The following EYS variants were observed in gnomAD, a reference collection of about 807,000 sequenced individuals.
The protein encoded by EYS is EGF-like photoreceptor maintenance factor, also known as protein eyes shut homolog.
In EYS, 250 loss-of-function variants were observed where a neutral mutation model predicts 282.1. The ratio of observed to expected loss-of-function variants is 0.89; its 90% confidence interval spans 0.80 to 0.98. The LOEUF is 0.98. EYS is among the 50% of genes least tolerant of loss of function. The pLI, the probability that EYS is intolerant of heterozygous loss-of-function variation, is 0.00. For missense variants in EYS, 4,016 were observed against 3,709.0 expected (o/e 1.08, Z -2.15); for synonymous variants, 1,355 against 1,282.9 (o/e 1.06, Z -1.20).
chr6:65,390,045 A>T (rs1464143285), intron 7 of EYS, among the ~76,000 whole-genome samples: 1 of 151,964 alleles, frequency 6.6e-6, no homozygotes, highest in Admixed American at 6.6e-5. Flanking sequence ...AGTGAACTTG[A>T]AATACAGGAA....
In EYS at chr6:65,392,690, G is replaced by A. The variant is rs560797470; in HGVS notation, c.1185-8190C>T. On this transcript the variant is annotated intron_variant, in intron 7 of 42. Transcript: ENST00000503581. ...GGAAACAACAGGTAATGGAGAGGATGTGGAGAAATAGGAACACTTTTACAC... is the reference window on the plus strand; with the variant it reads ...GGAAACAACAGGTAATGGAGAGGATATGGAGAAATAGGAACACTTTTACAC... Among the ~76,000 whole-genome samples, 497 of 152,176 alleles carry A rather than the reference G, an allele frequency of 3.3e-3. 4 individuals carry two copies. The highest frequency in any genetic ancestry group is 0.011 in the African/African-American group (442 of 41,544).
intron 2 of EYS, among the ~76,000 whole-genome samples, chr6:65,619,943 G>A (rs914659850): frequency 1.3e-5 from 2 of 151,340 alleles, no homozygotes; most frequent in Admixed American, 1.3e-4. Context: ...ATGTGCTGCT[G>A]GATTCGGTTT....
intron 33 of EYS, among the ~76,000 whole-genome samples, chr6:64,007,181 A>G (rs928426457): frequency 6.6e-6 from 1 of 152,210 alleles, no homozygotes; most frequent in East Asian, 1.9e-4. Flanking sequence ...GAAACACATT[A>G]TTGGTCTGTT....
At chr6:64,353,186 A>T (rs963279093) in intron 29 of EYS, among the ~76,000 whole-genome samples, 15 of 151,586 alleles carry the variant, frequency 9.9e-5, no homozygotes, top group African/African-American at 3.1e-4. Context: ...TTTAAAAATC[A>T]ATGCTATATA....
At chr6:65,453,225 A>C (rs1313413628) in intron 5 of EYS, among the ~76,000 whole-genome samples, 1 of 151,964 alleles carries the variant, frequency 6.6e-6, no homozygotes, top group Non-Finnish European at 1.5e-5. Flanking sequence ...TTTCAAGCAA[A>C]CTGTACTGTC....
chr6:64,632,669 A>T (rs1414386387), intron 22 of EYS, among the ~76,000 whole-genome samples: 1 of 2,282 alleles, frequency 4.4e-4, no homozygotes, highest in Non-Finnish European at 3.9e-3. Context: ...TTTCTTTTTT[A>T]AAATGTTATT....
At chr6:64,770,575 A>G (rs1773496417) in intron 22 of EYS, among the ~76,000 whole-genome samples, 1 of 151,898 alleles carries the variant, frequency 6.6e-6, no homozygotes, top group African/African-American at 2.4e-5. Flanking sequence ...TCTGAGGTTC[A>G]CTGTTTCACT....
chr6:65,372,387 C>T (rs1050103544), intron 8 of EYS, among the ~76,000 whole-genome samples: 4 of 151,942 alleles, frequency 2.6e-5, no homozygotes, highest in Non-Finnish European at 5.9e-5. Context: ...CAGTAAATTA[C>T]TGAAACTCTA....
chr6:63,945,851 C>A (rs940230952), intron 35 of EYS, among the ~76,000 whole-genome samples: 1 of 152,156 alleles, frequency 6.6e-6, no homozygotes, highest in African/African-American at 2.4e-5. Flanking sequence ...TGAGTAAACA[C>A]CACCTCAATA....
At chr6:65,214,759 T>C (rs1766269227) in intron 12 of EYS, among the ~76,000 whole-genome samples, 1 of 152,220 alleles carries the variant, frequency 6.6e-6, no homozygotes, top group Admixed American at 6.5e-5. Context: ...AGGCTGACTC[T>C]TGTTAGAGGC....
At chr6:64,122,261 A>G (rs1052568916) in intron 31 of EYS, among the ~76,000 whole-genome samples, 4 of 152,196 alleles carry the variant, frequency 2.6e-5, no homozygotes, top group African/African-American at 9.6e-5. Flanking sequence ...TAAGTATTAA[A>G]TTGCTATTAA....
chr6:64,840,851 A>G (rs2150034653), intron 19 of EYS, among the ~76,000 whole-genome samples: 1 of 152,254 alleles, frequency 6.6e-6, no homozygotes, highest in East Asian at 1.9e-4. Flanking sequence ...CTTAAATTTA[A>G]TTAAAAGTAA....
chr6:65,402,718 A>G, intron 6 of EYS, 113 bp from the exon 7 acceptor site: 1 of 691,678 alleles, frequency 1.4e-6, no homozygotes, highest in South Asian at 1.9e-5. Context: ...TGGAGTAGAA[A>G]TTATCTGTCA....
chr6:64,565,125 C>G (rs1216539943), intron 26 of EYS, among the ~76,000 whole-genome samples: 1 of 152,058 alleles, frequency 6.6e-6, no homozygotes, highest in Non-Finnish European at 1.5e-5. Flanking sequence ...TTTATTGAAG[C>G]CTTCCTTTTC....
chr6:65,079,641 A>G (rs1202431225), intron 12 of EYS, among the ~76,000 whole-genome samples: 1 of 152,102 alleles, frequency 6.6e-6, no homozygotes, highest in Non-Finnish European at 1.5e-5. Context: ...TCTTTAACAA[A>G]TTAGAATTGC....
chr6:63,999,643 A>G (rs933518519), intron 33 of EYS, among the ~76,000 whole-genome samples: 3 of 152,208 alleles, frequency 2.0e-5, no homozygotes, highest in African/African-American at 7.2e-5. Flanking sequence ...GAAAGGCTGC[A>G]TACCCCTGAG....
chr6:64,075,204 C>T (rs1044920582), intron 32 of EYS, among the ~76,000 whole-genome samples: 4 of 151,882 alleles, frequency 2.6e-5, no homozygotes, highest in Non-Finnish European at 5.9e-5. Context: ...GCAGCAGTTG[C>T]TCATGATTTT....
chr6:64,572,958 A>G (rs964058476), intron 26 of EYS, among the ~76,000 whole-genome samples: 2 of 152,230 alleles, frequency 1.3e-5, no homozygotes, highest in East Asian at 3.8e-4. Flanking sequence ...TAGAGCCTGT[A>G]TAGCCAAGAC....
At chr6:63,836,103 G>T (rs1263467216) in intron 36 of EYS, among the ~76,000 whole-genome samples, 1 of 151,968 alleles carries the variant, frequency 6.6e-6, no homozygotes, top group Non-Finnish European at 1.5e-5. Context: ...GAGTGGAATT[G>T]CTGGGTCATA....
Sources: allele counts gnomAD v4.1 joint callset (sites outside exome capture counted in the v4.1 genomes callset), GRCh38; gene constraint gnomAD v4.1.1; transcripts MANE v1.5; gene names NCBI Gene and HGNC (gene_info 2026-07-23, HGNC 2026-07-21).